The following MYO7A variants were observed in gnomAD, a reference collection of about 807,000 sequenced individuals.
The protein encoded by MYO7A is unconventional myosin-VIIa.
Under a neutral mutation model 263.8 loss-of-function variants are expected in MYO7A, and 210 were observed. The observed-to-expected ratio is 0.80, with a 90% CI of 0.71 to 0.89. The LOEUF (loss-of-function observed/expected upper bound fraction) is 0.89. Ranked by LOEUF, MYO7A falls within the 40% of genes least tolerant of loss-of-function variation. MYO7A has a pLI of 0.00. For synonymous variants in MYO7A, 1,239 were observed against 1,197.3 expected, an observed-to-expected ratio of 1.03 and a Z score of -0.72; for missense variants, 2,820 against 2,968.3, an observed-to-expected ratio of 0.95 and a Z score of 1.16.
At chr11:77,145,505 C>T (rs948930968) in intron 3 of MYO7A, among the ~76,000 whole-genome samples, 3 of 152,246 alleles carry the variant, frequency 2.0e-5, no homozygotes, top group African/African-American at 4.8e-5. Context: ...GGTCAAGTGG[C>T]GACAGCAGAC....
In MYO7A at chr11:77,155,973, C is replaced by G; in HGVS notation, c.352C>G (p.His118Asp). Reference protein sequence around the residue: ...YQLLSIYSPEHIRQYTNKKIG... With the variant: ...YQLLSIYSPEDIRQYTNKKIG... ...GCTGCTCTCCATCTACTCGCCAGAG[C>G]ACATCCGCCAGTATACCAACAAGAA... The change falls in exon 5 of 49, where the codon CAC (histidine) becomes GAC (aspartate). Residue 118 changes from histidine to aspartate, a missense_variant. His to Asp is a moderately conservative substitution (Grantham distance 81). Transcript: ENST00000409709. 2 of 1,613,260 alleles carry G rather than the reference C, an allele frequency of 1.2e-6. No individual in the cohort carries two copies. The highest frequency in any genetic ancestry group is 1.7e-6 in the Non-Finnish European group (2 of 1,179,608).
At chr11:77,182,737 C>G in intron 25 of MYO7A, 137 bp downstream of exon 25, 1 of 936,498 alleles carries the variant, frequency 1.1e-6, no homozygotes, top group Non-Finnish European at 1.6e-6. Flanking sequence ...GCCTGCCACC[C>G]TCCTTTGTCT....
intron 29 of MYO7A, among the ~76,000 whole-genome samples, chr11:77,190,365 T>C (rs1386332762): frequency 6.6e-6 from 1 of 152,204 alleles, no homozygotes; most frequent in Non-Finnish European, 1.5e-5. Flanking sequence ...TCAAGACGAC[T>C]TGGGCAAAGG....
intron 32 of MYO7A, among the ~76,000 whole-genome samples, chr11:77,195,979 A>T (rs543313213): frequency 1.3e-5 from 2 of 152,362 alleles, no homozygotes; most frequent in African/African-American, 4.8e-5. Flanking sequence ...ATGTGTGCAC[A>T]TGCACGTCTG....
intron 37 of MYO7A, among the ~76,000 whole-genome samples, chr11:77,202,655 G>A (rs558123710): frequency 2.6e-5 from 4 of 152,132 alleles, no homozygotes; most frequent in Middle Eastern, 3.4e-3. Context: ...CTGGGCATTC[G>A]AGACTGAGTC....
chr11:77,214,110 C>A, intron 48 of MYO7A, 131 bp downstream of exon 48: 2 of 1,292,010 alleles, frequency 1.5e-6, no homozygotes, highest in Non-Finnish European at 2.1e-6. Flanking sequence ...CATGCTGGGG[C>A]CAAGGTCAGG....
chr11:77,209,065 C>CA, intron 44 of MYO7A: 1 of 488,328 alleles, frequency 2.0e-6, no homozygotes. Context: ...TCCTTCAGTG[C>CA]GGGGCTATCC....
At chr11:77,160,539 C>G (rs1400527637) in intron 11 of MYO7A, among the ~76,000 whole-genome samples, 3 of 152,192 alleles carry the variant, frequency 2.0e-5, no homozygotes, top group Non-Finnish European at 2.9e-5. Context: ...GGGATACTCT[C>G]TTTGGTCTCT....
chr11:77,181,573 C>A lies in MYO7A; in HGVS notation c.2888C>A (p.Ala963Glu), dbSNP rs1955186517. Residue 963 changes from alanine (A) to glutamate (E), a missense_variant, in exon 23 of 49, where the codon GCA (alanine) becomes GAA (glutamate). Physicochemically the swap from Ala to Glu is moderately radical, Grantham distance 107. Coordinates refer to ENST00000409709, the MANE Select transcript of MYO7A (RefSeq NM_000260.4). ...SGGLPGQEGQAPSGFEDLERG... is the reference protein window; with the variant it reads ...SGGLPGQEGQEPSGFEDLERG... ...GGCCTGCCAGGCCAGGAGGGCCAGG[C>A]ACCTAGTGGCTTTGAGGTACCAGGC... The A allele has an allele frequency of 1.9e-6, 3 of 1,613,040 alleles. No homozygotes were observed. The highest frequency in any genetic ancestry group is 1.1e-5 in the South Asian group (1 of 91,056).
At chr11:77,198,999 G>A (rs914613899) in intron 34 of MYO7A, among the ~76,000 whole-genome samples, 1 of 152,192 alleles carries the variant, frequency 6.6e-6, no homozygotes, top group Non-Finnish European at 1.5e-5. Flanking sequence ...ATAATAGATG[G>A]GAGAGCTCTT....
intron 47 of MYO7A, 65 bp downstream of exon 47, chr11:77,213,100 G>C (rs1010946849): frequency 4.6e-6 from 6 of 1,308,904 alleles, no homozygotes; most frequent in Non-Finnish European, 6.5e-6. Flanking sequence ...CACGGTCCCA[G>C]AACGAACCCC....
intron 32 of MYO7A, among the ~76,000 whole-genome samples, chr11:77,196,380 AGG>A (rs1956665933): frequency 1.3e-5 from 2 of 151,554 alleles, no homozygotes; most frequent in African/African-American, 4.9e-5. Context: ...AAAAAAAAAA[AGG>A]AGCTTATCTC....
intron 3 of MYO7A, among the ~76,000 whole-genome samples, chr11:77,146,999 G>A (rs1951617641): frequency 6.6e-6 from 1 of 152,086 alleles, no homozygotes; most frequent in African/African-American, 2.4e-5. Flanking sequence ...AGGAGAGCTG[G>A]GCAGGCAGCC....
intron 4 of MYO7A, 114 bp downstream of exon 4, chr11:77,148,064 T>A: frequency 2.0e-6 from 2 of 978,828 alleles, no homozygotes; most frequent in Non-Finnish European, 1.4e-6. Flanking sequence ...CCCTGCCTCC[T>A]GAGACTTTGT....
rs3740760 is a variant in MYO7A at position 77,142,955 on chromosome 11, C to G, written c.132+133C>G. The G allele has an allele frequency of 0.25, 177,283 of 721,196 alleles. 23,858 individuals carry two copies. The highest frequency in any genetic ancestry group is 0.45 in the East Asian group (16,259 of 35,756). 44.7% of individuals were successfully genotyped at this position (721,196 alleles called of 1,614,324 possible). A position where few individuals can be genotyped will look rare whatever the true frequency, so the allele number is the denominator to read the frequency against. On this transcript the variant is annotated intron_variant, in intron 3 of 48. Transcript: ENST00000409709. ...GCCCCCACTTCTGCCTCTCAGATGC[C>G]CCCTTCCATGAGCTTTCCCCAGCAC... is the stretch of plus-strand genomic sequence containing the variant.
chr11:77,202,183 T>G, intron 36 of MYO7A, 117 bp from the exon 37 acceptor site: 1 of 1,305,606 alleles, frequency 7.7e-7, no homozygotes, highest in Non-Finnish European at 1.0e-6. Flanking sequence ...GAATGGGGCA[T>G]GGGGTCCATA....
chr11:77,132,559 G>T (rs1465205488), intron 2 of MYO7A, among the ~76,000 whole-genome samples: 1 of 152,090 alleles, frequency 6.6e-6, no homozygotes, highest in Non-Finnish European at 1.5e-5. Context: ...CATGATTTTG[G>T]CTCACTGCAA....
chr11:77,184,769 T>C, intron 27 of MYO7A, 54 bp downstream of exon 27: 1 of 1,577,602 alleles, frequency 6.3e-7, no homozygotes, highest in Non-Finnish European at 8.6e-7. Flanking sequence ...GGTGGCTGAG[T>C]GGTGCCTCTG....
In MYO7A at chr11:77,172,919, G is replaced by A. The variant is rs377198339; in HGVS notation, c.1935+34G>A. The A allele has an allele frequency of 7.4e-4, 1,132 of 1,533,788 alleles. 5 individuals are homozygous for A. The highest frequency in any genetic ancestry group is 3.0e-3 in the South Asian group (251 of 82,658). ...CCCTGGCCTGGGGTTGGCGGGTGGC[G>A]GCTAGGGTGACGTGGAGGAGCTAGG... is the stretch of plus-strand genomic sequence containing the variant. On this transcript the variant is annotated intron_variant, in intron 16 of 48. Transcript: ENST00000409709.
Sources: allele counts gnomAD v4.1 joint callset (sites outside exome capture counted in the v4.1 genomes callset), GRCh38; gene constraint gnomAD v4.1.1; transcripts MANE v1.5; gene names NCBI Gene and HGNC (gene_info 2026-07-23, HGNC 2026-07-21).